ERC2: variants seen among roughly 807,000 people sequenced by gnomAD.
The protein encoded by ERC2 is ERC protein 2.
ERC2 carries 42 observed loss-of-function variants against 114.8 expected under a neutral mutation model. The ratio of observed to expected loss-of-function variants is 0.37; its 90% CI spans 0.29 to 0.47. The LOEUF is 0.47. Ranked by LOEUF, ERC2 falls within the 20% of genes least tolerant of loss-of-function variation. The probability of loss-of-function intolerance (pLI) is 0.99; values close to 1 mark genes in which losing one functional copy is unlikely to be tolerated. For synonymous variants in ERC2, 454 were observed against 425.5 expected (o/e 1.07, Z -0.82); for missense variants, 939 against 1,150.7 (o/e 0.82, Z 2.66).
intron 14 of ERC2, among the ~76,000 whole-genome samples, chr3:55,835,836 T>C (rs1048506863): frequency 2.6e-5 from 4 of 151,900 alleles, no homozygotes; most frequent in African/African-American, 7.3e-5. Context: ...GATGACATGA[T>C]TGTATATCTA....
At chr3:55,569,757 A>C (rs528192743) in intron 17 of ERC2, among the ~76,000 whole-genome samples, 10 of 152,264 alleles carry the variant, frequency 6.6e-5, no homozygotes, top group African/African-American at 2.4e-4. Flanking sequence ...AAATTACATG[A>C]CATATAATTA....
intron 1 of ERC2, among the ~76,000 whole-genome samples, chr3:56,444,251 G>GT (rs1316982406): frequency 6.6e-6 from 1 of 151,492 alleles, no homozygotes; most frequent in Non-Finnish European, 1.5e-5. Flanking sequence ...GATTACAGGC[G>GT]TGAGCCACCA....
chr3:55,704,609 T>G (rs1464916791), intron 15 of ERC2, among the ~76,000 whole-genome samples: 3 of 152,156 alleles, frequency 2.0e-5, no homozygotes, highest in Non-Finnish European at 4.4e-5. Context: ...ATGGGATGGC[T>G]AGGAGAGGAG....
At position 56,118,285 on chromosome 3, in the gene ERC2, C is replaced by T. The variant is rs182298327; in HGVS notation, c.1473+21224G>A. On this transcript the variant is annotated intron_variant, in intron 6 of 17. Transcript: ENST00000288221. Reference sequence around the variant, plus strand: ...TGAGCAGGGTCTATAAAATGGGATACTTCTACCTCAGAGGATCATTGTGAG... The same window carrying T: ...TGAGCAGGGTCTATAAAATGGGATATTTCTACCTCAGAGGATCATTGTGAG... 3.3e-5 allele frequency among the ~76,000 whole-genome samples: 5 copies of T among 152,270 alleles called. No individual in the cohort carries two copies. In the East Asian group the frequency reaches 9.7e-4, roughly 29 times the overall value.
At chr3:55,801,599 T>C (rs115053923) in intron 14 of ERC2, among the ~76,000 whole-genome samples, 78 of 152,280 alleles carry the variant, frequency 5.1e-4, no homozygotes, top group African/African-American at 1.9e-3. Context: ...GAATTTATAA[T>C]CAAATGACCA....
At chr3:55,644,891 C>A (rs1187165908) in intron 17 of ERC2, among the ~76,000 whole-genome samples, 1 of 151,972 alleles carries the variant, frequency 6.6e-6, no homozygotes. Flanking sequence ...TTAAGCATCA[C>A]CAGTGTAGAC....
intron 3 of ERC2, among the ~76,000 whole-genome samples, chr3:56,226,643 G>A (rs2050265122): frequency 6.6e-6 from 1 of 152,086 alleles, no homozygotes; most frequent in Non-Finnish European, 1.5e-5. Flanking sequence ...GATAGTACAA[G>A]GCACTACGGG....
chr3:56,195,500 C>CGTGTGTGT (rs112067114), intron 3 of ERC2, among the ~76,000 whole-genome samples: 31,300 of 149,870 alleles, frequency 0.21, 3,746 homozygotes, highest in East Asian at 0.47. Flanking sequence ...TGCGTGTGTG[C>CGTGTGTGT]GTGTGTGTGT....
At chr3:55,967,059 T>C (rs1043185620) in intron 12 of ERC2, among the ~76,000 whole-genome samples, 1 of 152,200 alleles carries the variant, frequency 6.6e-6, no homozygotes, top group Non-Finnish European at 1.5e-5. Context: ...TGATACTCCT[T>C]GAAAATAGAC....
chr3:55,530,255 G>C (rs1035559826), intron 17 of ERC2, among the ~76,000 whole-genome samples: 1 of 152,210 alleles, frequency 6.6e-6, no homozygotes, highest in African/African-American at 2.4e-5. Flanking sequence ...AGATAGCAAA[G>C]GGCCAGACAG....
intron 17 of ERC2, among the ~76,000 whole-genome samples, chr3:55,668,123 TTA>T (rs1360568956): frequency 5.3e-5 from 8 of 151,710 alleles, no homozygotes; most frequent in East Asian, 1.9e-4. Context: ...ATAATAAATT[TTA>T]TATATATATA....
chr3:56,205,597 G>A (rs186460516), intron 3 of ERC2, among the ~76,000 whole-genome samples: 41 of 152,220 alleles, frequency 2.7e-4, no homozygotes, highest in Admixed American at 7.2e-4. Flanking sequence ...CTATTTAAAG[G>A]CATTAAAATA....
rs1024543843 is a variant in ERC2, at chr3:55,508,784, A to G, written c.*2532T>C. 4.6e-5 allele frequency: 7 copies of G among 152,626 alleles called. No homozygotes were observed. The highest frequency in any genetic ancestry group is 8.8e-5 in the Non-Finnish European group (6 of 68,026). 9.5% of individuals were successfully genotyped at this position (152,626 alleles called of 1,614,324 possible). A position where few individuals can be genotyped will look rare whatever the true frequency, so the allele number is the denominator to read the frequency against. ...CGTGCATACTGGATACACAAAAATC[A>G]TTAAATACAAAATTGAGACTGTACA... is the stretch of plus-strand genomic sequence containing the variant. On this transcript the variant is annotated 3_prime_UTR_variant, in exon 18 of 18. Transcript: ENST00000288221.
intron 14 of ERC2, among the ~76,000 whole-genome samples, chr3:55,744,868 C>T (rs774577577): frequency 6.6e-6 from 1 of 152,212 alleles, no homozygotes; most frequent in Non-Finnish European, 1.5e-5. Context: ...ACCGGATCAT[C>T]GTGAGAATTA....
At chr3:56,443,766 A>AAT (rs2062429638) in intron 1 of ERC2, among the ~76,000 whole-genome samples, 2 of 152,084 alleles carry the variant, frequency 1.3e-5, no homozygotes, top group Non-Finnish European at 2.9e-5. Context: ...TTTATTGAGC[A>AAT]ATCAATAATG....
At chr3:56,243,814 T>C (rs1388076861) in intron 3 of ERC2, among the ~76,000 whole-genome samples, 1 of 152,166 alleles carries the variant, frequency 6.6e-6, no homozygotes. Flanking sequence ...TGAGTGCCTA[T>C]TCTGTGCTAA....
intron 3 of ERC2, among the ~76,000 whole-genome samples, chr3:56,249,636 G>A (rs11718962): frequency 0.45 from 68,596 of 151,474 alleles, 15,771 homozygotes; most frequent in Middle Eastern, 0.48. Flanking sequence ...TAATTCACCT[G>A]TTTAACCTTT....
intron 14 of ERC2, among the ~76,000 whole-genome samples, chr3:55,762,286 A>G (rs2067496767): frequency 6.6e-6 from 1 of 152,076 alleles, no homozygotes; most frequent in Admixed American, 6.5e-5. Flanking sequence ...TGAAGGGAGC[A>G]TTTTCTTTCA....
intron 11 of ERC2, among the ~76,000 whole-genome samples, chr3:55,987,086 A>T (rs564464277): frequency 1.3e-5 from 2 of 152,338 alleles, no homozygotes; most frequent in Non-Finnish European, 2.9e-5. Context: ...TGTTGATTAC[A>T]ATGATACAAC....
Sources: gnomAD v4.1 joint callset for allele counts (sites outside exome capture counted in the v4.1 genomes callset) on GRCh38, gnomAD v4.1.1 for gene constraint, MANE v1.5 for transcripts, NCBI Gene and HGNC (gene_info 2026-07-23, HGNC 2026-07-21) for gene names.